The following SPOCK1 variants were observed in gnomAD, a reference collection of about 807,000 sequenced individuals.
The protein encoded by SPOCK1 is testican-1.
SPOCK1 carries 23 observed loss-of-function variants against 55.3 expected under a neutral mutation model. The observed-to-expected ratio is 0.42, with a 90% CI of 0.30 to 0.59. The LOEUF (loss-of-function observed/expected upper bound fraction) is 0.59. SPOCK1 is among the 20% of genes least tolerant of loss of function. SPOCK1 has a pLI of 0.22. For synonymous variants in SPOCK1, 226 were observed against 221.0 expected (o/e 1.02, Z -0.20); for missense variants, 499 against 552.5 (o/e 0.90, Z 0.97).
Position 137,386,223 on chromosome 5 carries a change from C to A in SPOCK1, c.186+112150G>T, listed in dbSNP as rs192883506. On this transcript the variant is annotated intron_variant, in intron 2 of 10. Coordinates refer to ENST00000394945, the MANE Select transcript of SPOCK1 (RefSeq NM_004598.4). The stretch of plus-strand genomic sequence containing the variant: ...ACTACAAAACTCTGATGAAAGAAAT[C>A]AAAGAATTAAATTGAGAGATATTCC... 4.0e-3 allele frequency among the ~76,000 whole-genome samples: 602 copies of A among 152,192 alleles called. 4 individuals carry two copies. Among genetic ancestry groups the A allele is most frequent in the Non-Finnish European group, 5.3e-3 (359 of 67,986 alleles).
chr5:137,196,535 A>G (rs1450459155), intron 3 of SPOCK1, among the ~76,000 whole-genome samples: 1 of 152,160 alleles, frequency 6.6e-6, no homozygotes, highest in Admixed American at 6.5e-5. Context: ...GTATTTAAAC[A>G]TGTGATGCCA....
intron 6 of SPOCK1, among the ~76,000 whole-genome samples, chr5:137,034,050 C>T (rs1172394850): frequency 6.6e-6 from 1 of 152,254 alleles, no homozygotes; most frequent in East Asian, 1.9e-4. Context: ...CCTTGTAGCA[C>T]AGTGGCTGAC....
At chr5:136,994,416 G>A (rs557025025) in intron 6 of SPOCK1, among the ~76,000 whole-genome samples, 53 of 152,102 alleles carry the variant, frequency 3.5e-4, no homozygotes, top group Non-Finnish European at 6.6e-4. Context: ...CCAGCACCTC[G>A]GCTTCCTTAT....
At chr5:137,029,563 GGGTCGGCTT>G (rs1384771583) in intron 6 of SPOCK1, among the ~76,000 whole-genome samples, 1 of 152,230 alleles carries the variant, frequency 6.6e-6, no homozygotes, top group Admixed American at 6.5e-5. Flanking sequence ...ATTAGGCCCT[GGGTCGGCTT>G]GGCCTTAAAG....
intron 2 of SPOCK1, among the ~76,000 whole-genome samples, chr5:137,345,379 GCCTCTGAAA>G (rs2127158151): frequency 6.6e-6 from 1 of 152,286 alleles, no homozygotes; most frequent in African/African-American, 2.4e-5. Flanking sequence ...GCCTGTGTCT[GCCTCTGAAA>G]CATATCCCCA....
intron 2 of SPOCK1, among the ~76,000 whole-genome samples, chr5:137,331,696 G>A (rs1025495169): frequency 6.6e-6 from 1 of 152,066 alleles, no homozygotes; most frequent in African/African-American, 2.4e-5. Flanking sequence ...ACCAGGTCTT[G>A]GTGAACTAAC....
chr5:136,989,271 G>T (rs567200572), intron 7 of SPOCK1, among the ~76,000 whole-genome samples: 1 of 152,210 alleles, frequency 6.6e-6, no homozygotes, highest in African/African-American at 2.4e-5. Flanking sequence ...TTCCCTGGGG[G>T]AGAAGAAGTT....
intron 3 of SPOCK1, among the ~76,000 whole-genome samples, chr5:137,198,018 A>G (rs1242344537): frequency 6.6e-6 from 1 of 152,216 alleles, no homozygotes; most frequent in Non-Finnish European, 1.5e-5. Context: ...CCCTATAGAC[A>G]TAATAGAGTG....
At chr5:137,408,898 G>A (rs1389536499) in intron 2 of SPOCK1, among the ~76,000 whole-genome samples, 1 of 152,124 alleles carries the variant, frequency 6.6e-6, no homozygotes, top group Non-Finnish European at 1.5e-5. Flanking sequence ...CCAAAAAAAT[G>A]GGAGGATAAC....
intron 3 of SPOCK1, among the ~76,000 whole-genome samples, chr5:137,219,373 A>G (rs1755802363): frequency 6.6e-6 from 1 of 152,148 alleles, no homozygotes; most frequent in South Asian, 2.1e-4. Flanking sequence ...GTATCCCAAC[A>G]CTTAGCAGGT....
chr5:137,030,847 T>C (rs1751764739), intron 6 of SPOCK1, among the ~76,000 whole-genome samples: 1 of 152,206 alleles, frequency 6.6e-6, no homozygotes, highest in Non-Finnish European at 1.5e-5. Flanking sequence ...GGCAACTAGT[T>C]AAACACATCC....
intron 3 of SPOCK1, among the ~76,000 whole-genome samples, chr5:137,210,804 C>T (rs142594894): frequency 1.6e-4 from 24 of 152,332 alleles, no homozygotes; most frequent in Admixed American, 2.0e-4. Context: ...CTCCCTAGTC[C>T]GGCTTTATGC....
At chr5:137,104,986 G>C (rs574725334) in intron 5 of SPOCK1, among the ~76,000 whole-genome samples, 1 of 152,212 alleles carries the variant, frequency 6.6e-6, no homozygotes, top group East Asian at 1.9e-4. Context: ...AAAAAAGTTG[G>C]GGACCGCTGC....
intron 2 of SPOCK1, among the ~76,000 whole-genome samples, chr5:137,313,172 G>A (rs1757818940): frequency 1.3e-5 from 2 of 152,152 alleles, no homozygotes; most frequent in South Asian, 4.1e-4. Context: ...AATTCCCACA[G>A]TTAGAGTCTC....
intron 6 of SPOCK1, among the ~76,000 whole-genome samples, chr5:137,029,312 C>T (rs934118731): frequency 6.6e-6 from 1 of 152,156 alleles, no homozygotes; most frequent in South Asian, 2.1e-4. Flanking sequence ...CAGACAGATC[C>T]AGGCTATAAT....
intron 3 of SPOCK1, among the ~76,000 whole-genome samples, chr5:137,247,594 A>C (rs1218937466): frequency 1.3e-5 from 2 of 152,236 alleles, no homozygotes; most frequent in African/African-American, 4.8e-5. Context: ...CTTTAAAAAA[A>C]ACTGCTTATC....
At chr5:137,261,133 T>G (rs1469756275) in intron 3 of SPOCK1, among the ~76,000 whole-genome samples, 2 of 152,100 alleles carry the variant, frequency 1.3e-5, no homozygotes, top group African/African-American at 4.8e-5. Context: ...CTGAAAAACT[T>G]TCAAGGCCCT....
chr5:137,297,998 T>G (rs928362283), intron 2 of SPOCK1, among the ~76,000 whole-genome samples: 1 of 152,174 alleles, frequency 6.6e-6, no homozygotes, highest in African/African-American at 2.4e-5. Context: ...GAAGTCTGTC[T>G]CTGGAATCAG....
At chr5:136,982,101 G>T (rs1294159622) in intron 9 of SPOCK1, among the ~76,000 whole-genome samples, 1 of 152,162 alleles carries the variant, frequency 6.6e-6, no homozygotes, top group African/African-American at 2.4e-5. Flanking sequence ...ATCTAGGTCT[G>T]TGTGAGTATA....
Sources: gnomAD v4.1 joint callset for allele counts (sites outside exome capture counted in the v4.1 genomes callset) on GRCh38, gnomAD v4.1.1 for gene constraint, MANE v1.5 for transcripts, NCBI Gene and HGNC (gene_info 2026-07-23, HGNC 2026-07-21) for gene names.